Variants in ABHD12 observed in about 807,000 individuals in gnomAD.
ABHD12 encodes lysophosphatidylserine lipase ABHD12.
ABHD12 carries 43 observed loss-of-function variants against 58.3 expected under a neutral mutation model. The observed-to-expected ratio is 0.74, with a 90% CI of 0.58 to 0.95. The LOEUF is 0.95. ABHD12 is among the 40% of genes least tolerant of loss of function. The pLI is 0.00. For missense variants in ABHD12, 539 were observed against 537.2 expected, an observed-to-expected ratio of 1.00 and a Z score of -0.03; for synonymous variants, 219 against 211.2, an observed-to-expected ratio of 1.04 and a Z score of -0.32.
At chr20:25,315,362 A>AGACCCCATCTGGG in intron 5 of ABHD12, among the ~76,000 whole-genome samples, 1 of 152,296 alleles carries the variant, frequency 6.6e-6, no homozygotes, top group Non-Finnish European at 1.5e-5. Context: ...CACTGTGCAG[A>AGACCCCATCTGGG]GACCCCATCT....
Position 25,390,712 on chromosome 20 carries a change from C to T in ABHD12, c.-9G>A. 7.3e-7 allele frequency: 1 copy of T among 1,365,892 alleles called. No individual in the cohort carries two copies. The highest frequency in any genetic ancestry group is 9.5e-7 in the Non-Finnish European group (1 of 1,057,902). 84.6% of individuals were successfully genotyped at this position (1,365,892 alleles called of 1,614,324 possible). The stretch of plus-strand genomic sequence containing the variant: ...TCGGTCCGCTTCCTCATCCCGCGGC[C>T]GACAGGGCCAGCCGCCGACGGCGCC... On this transcript the variant is annotated 5_prime_UTR_variant, in exon 1 of 13. Transcript: ENST00000339157.
chr20:25,365,158 C>G (rs180678804), intron 1 of ABHD12, among the ~76,000 whole-genome samples: 130 of 152,310 alleles, frequency 8.5e-4, no homozygotes, highest in African/African-American at 3.0e-3. Context: ...TCTAGCTTAA[C>G]AATAGCTTTT....
chr20:25,342,828 T>G (rs139362211), intron 1 of ABHD12, among the ~76,000 whole-genome samples: 1 of 152,144 alleles, frequency 6.6e-6, no homozygotes, highest in East Asian at 1.9e-4. Flanking sequence ...GCTCAAGTGA[T>G]CCTACCATCT....
At chr20:25,339,043 G>C in intron 2 of ABHD12, 184 bp downstream of exon 2, 1 of 1,390,896 alleles carries the variant, frequency 7.2e-7, no homozygotes, top group Non-Finnish European at 9.4e-7. Flanking sequence ...CTCAATCTGG[G>C]TGGTAGCTCT....
At chr20:25,343,055 A>C (rs1232544903) in intron 1 of ABHD12, among the ~76,000 whole-genome samples, 1 of 152,190 alleles carries the variant, frequency 6.6e-6, no homozygotes, top group East Asian at 1.9e-4. Flanking sequence ...TTGGCCTCCC[A>C]AAGTGCTGGG....
intron 2 of ABHD12, among the ~76,000 whole-genome samples, chr20:25,329,611 T>C (rs1600807712): frequency 6.6e-6 from 1 of 152,232 alleles, no homozygotes; most frequent in African/African-American, 2.4e-5. Context: ...TTAGCTCACC[T>C]GCAAAATATT....
chr20:25,374,418 T>G (rs1336291924), intron 1 of ABHD12, among the ~76,000 whole-genome samples: 1 of 152,216 alleles, frequency 6.6e-6, no homozygotes, highest in Non-Finnish European at 1.5e-5. Context: ...CTTCAGAAAT[T>G]CAATTTGGGT....
intron 1 of ABHD12, chr20:25,368,166 C>T: frequency 2.1e-6 from 2 of 931,818 alleles, no homozygotes; most frequent in Non-Finnish European, 3.3e-6. Flanking sequence ...GGAACTGCAG[C>T]AAGAGCACAA....
intron 2 of ABHD12, among the ~76,000 whole-genome samples, chr20:25,333,869 C>T (rs2089319002): frequency 6.6e-6 from 1 of 152,124 alleles, no homozygotes; most frequent in African/African-American, 2.4e-5. Context: ...TGGGCAAAAA[C>T]TGGAAGCATT....
chr20:25,310,733 T>TGACAGGGACAGACAGACAGGCACAGA (rs2088833860), intron 6 of ABHD12, among the ~76,000 whole-genome samples: 5 of 151,194 alleles, frequency 3.3e-5, no homozygotes, highest in Non-Finnish European at 4.4e-5. Context: ...GCAAGAAGAC[T>TGACAGGGACAGACAGACAGGCACAGA]GACAGGGACA....
chr20:25,296,933 A>T (rs1434850126), downstream of ABHD12: 1 of 176,930 alleles, frequency 5.7e-6, no homozygotes, highest in Non-Finnish European at 1.2e-5. Context: ...CCTGGGAATG[A>T]GTGTTACTGC....
intron 8 of ABHD12, 71 bp downstream of exon 8, chr20:25,308,386 T>G: frequency 6.4e-7 from 1 of 1,568,406 alleles, no homozygotes; most frequent in Admixed American, 1.8e-5. Context: ...GCTGAGCACT[T>G]GCAGCAGGGC....
chr20:25,356,699 G>A (rs775298428), intron 1 of ABHD12, among the ~76,000 whole-genome samples: 11 of 152,214 alleles, frequency 7.2e-5, no homozygotes, highest in Non-Finnish European at 1.3e-4. Flanking sequence ...CTGTGGCAGA[G>A]TGGCAGGTGG....
intron 6 of ABHD12, among the ~76,000 whole-genome samples, chr20:25,312,303 C>G (rs1025418640): frequency 6.6e-6 from 1 of 152,158 alleles, no homozygotes; most frequent in African/African-American, 2.4e-5. Context: ...CTCAGCCTGC[C>G]GAGTGCCTGT....
chr20:25,389,915 A>C (rs1345239107), intron 1 of ABHD12: 1 of 151,874 alleles, frequency 6.6e-6, no homozygotes, highest in Non-Finnish European at 1.5e-5. Flanking sequence ...CACGCCCCCG[A>C]CCCTAGTTAC....
At chr20:25,312,515 A>G (rs2088869933) in intron 6 of ABHD12, among the ~76,000 whole-genome samples, 1 of 152,060 alleles carries the variant, frequency 6.6e-6, no homozygotes, top group African/African-American at 2.4e-5. Context: ...CAGTGGCGTG[A>G]TCTCGGCTCA....
At chr20:25,302,626 G>A (rs1419029860) in intron 11 of ABHD12, among the ~76,000 whole-genome samples, 1 of 152,202 alleles carries the variant, frequency 6.6e-6, no homozygotes, top group Non-Finnish European at 1.5e-5. Context: ...GCCAGACCAG[G>A]TGCCTGGGAG....
At chr20:25,321,140 C>T (rs1236254791) in intron 3 of ABHD12, among the ~76,000 whole-genome samples, 3 of 152,250 alleles carry the variant, frequency 2.0e-5, no homozygotes, top group Non-Finnish European at 4.4e-5. Flanking sequence ...TCAAAAGGAT[C>T]ACTTTTGGGA....
intron 1 of ABHD12, chr20:25,368,657 C>A (rs548189193): frequency 2.2e-6 from 3 of 1,363,912 alleles, no homozygotes; most frequent in South Asian, 1.2e-5. Flanking sequence ...GTGCTCAGAG[C>A]ATGAAAGTTT....
Sources: gnomAD v4.1 joint callset for allele counts (sites outside exome capture counted in the v4.1 genomes callset) on GRCh38, gnomAD v4.1.1 for gene constraint, MANE v1.5 for transcripts, NCBI Gene and HGNC (gene_info 2026-07-23, HGNC 2026-07-21) for gene names.